The following USP32 variants were observed in gnomAD, a reference collection of about 807,000 sequenced individuals.
The protein encoded by USP32 is ubiquitin specific peptidase 32.
Under a neutral mutation model 204.8 loss-of-function variants are expected in USP32, and 59 were observed. The observed-to-expected ratio is 0.29, with a 90% CI of 0.23 to 0.36. The LOEUF (loss-of-function observed/expected upper bound fraction) is 0.36. Ranked by LOEUF, USP32 falls within the 10% of genes least tolerant of loss-of-function variation. The pLI is 1.00. For synonymous variants in USP32, 517 were observed against 678.4 expected (o/e 0.76, Z 3.70); for missense variants, 1,160 against 1,946.4 (o/e 0.60, Z 7.60).
intron 2 of USP32, among the ~76,000 whole-genome samples, chr17:60,342,920 G>A (rs778769898): frequency 1.3e-5 from 2 of 152,124 alleles, no homozygotes; most frequent in African/African-American, 2.4e-5. Context: ...CTCGCCCTCC[G>A]TGGGCTGCAC....
chr17:60,214,625 T>C lies in USP32; in HGVS notation c.2017A>G (p.Ser673Gly). Residue 673 changes from serine to glycine, a missense_variant, in exon 17 of 34, where the codon AGT becomes GGT. Ser to Gly is a moderately conservative substitution (Grantham distance 56). This residue lies in a region of USP32 where 132 missense variants were observed against 432.8 expected (regional missense o/e 0.30). Coordinates refer to ENST00000300896, the MANE Select transcript of USP32 (RefSeq NM_032582.4). ...EEDMRLWLYN[S>G]ENYLTLLDDE... Reference sequence around the variant, plus strand: ...GACTCTGAGATGCCTCTTACCTCACTGTTGTATAGCCACAGGCGCATATCT... The same window carrying C: ...GACTCTGAGATGCCTCTTACCTCACCGTTGTATAGCCACAGGCGCATATCT... 6.2e-7 allele frequency: 1 copy of C among 1,613,130 alleles called. No homozygotes were observed. The highest frequency in any genetic ancestry group is 1.1e-5 in the South Asian group (1 of 90,996).
chr17:60,317,330 A>G (rs2145931182), intron 2 of USP32, among the ~76,000 whole-genome samples: 1 of 152,114 alleles, frequency 6.6e-6, no homozygotes, highest in East Asian at 1.9e-4. Flanking sequence ...CCTGGGCAAC[A>G]TAGTGAGACC....
intron 1 of USP32, among the ~76,000 whole-genome samples, chr17:60,359,132 T>C (rs895077688): frequency 1.3e-5 from 2 of 152,176 alleles, no homozygotes; most frequent in Admixed American, 1.3e-4. Context: ...TGTCCCTCCT[T>C]TATTTTTTGG....
chr17:60,293,013 A>C (rs367858401), intron 4 of USP32, among the ~76,000 whole-genome samples: 1 of 152,172 alleles, frequency 6.6e-6, no homozygotes, highest in African/African-American at 2.4e-5. Flanking sequence ...CTTGATGAAA[A>C]GTGGTCCTCC....
intron 26 of USP32, among the ~76,000 whole-genome samples, chr17:60,204,956 CT>C (rs34428660): frequency 0.07 from 9,430 of 135,020 alleles, 859 homozygotes; most frequent in African/African-American, 0.22. Flanking sequence ...AAAAAGAAGT[CT>C]TTTTTTTTTT....
chr17:60,242,353 C>A (rs913300846), intron 11 of USP32, among the ~76,000 whole-genome samples: 1 of 152,064 alleles, frequency 6.6e-6, no homozygotes, highest in Non-Finnish European at 1.5e-5. Context: ...ATTTTCTTGA[C>A]ATCTTTAAAA....
At chr17:60,355,974 C>G (rs973331906) in intron 1 of USP32, among the ~76,000 whole-genome samples, 4 of 146,988 alleles carry the variant, frequency 2.7e-5, no homozygotes, top group Admixed American at 1.4e-4. Flanking sequence ...TATGCAATAG[C>G]TTTGAAAACC....
Position 60,181,287 on chromosome 17 carries a change from A to C in USP32, c.4548+37T>G, listed in dbSNP as rs745717932. The C allele has an allele frequency of 3.2e-6, 5 of 1,576,516 alleles. No homozygotes were observed. In the African/African-American group the frequency reaches 5.4e-5, roughly 17 times the overall value. ...ACATGAAGACAAGTGAACAAAACAC[A>C]GACCACTCTCTGAAAACCATATAAT... On this transcript the variant is annotated intron_variant, in intron 32 of 33. Coordinates refer to ENST00000300896, the MANE Select transcript of USP32 (RefSeq NM_032582.4).
At chr17:60,285,072 CA>C (rs563334689) in intron 5 of USP32, among the ~76,000 whole-genome samples, 157 of 152,230 alleles carry the variant, frequency 1.0e-3, no homozygotes, top group Non-Finnish European at 1.5e-3. Context: ...TAACAAATAT[CA>C]GAATAATTTT....
chr17:60,309,911 G>A (rs1215283573), intron 2 of USP32, among the ~76,000 whole-genome samples: 1 of 152,128 alleles, frequency 6.6e-6, no homozygotes, highest in Non-Finnish European at 1.5e-5. Flanking sequence ...GGGCATGGTG[G>A]CATGTGCCTG....
chr17:60,233,033 C>G (rs772163692), intron 12 of USP32, among the ~76,000 whole-genome samples: 3 of 152,108 alleles, frequency 2.0e-5, no homozygotes, highest in Non-Finnish European at 2.9e-5. Flanking sequence ...TATGTGAAAA[C>G]TGAGGTAGAG....
At chr17:60,363,325 T>A (rs1227207126) in intron 1 of USP32, among the ~76,000 whole-genome samples, 1 of 151,076 alleles carries the variant, frequency 6.6e-6, no homozygotes, top group Admixed American at 6.6e-5. Flanking sequence ...CGTAGCGGCG[T>A]GCACCTGTAG....
chr17:60,216,008 T>C (rs1331052379), intron 16 of USP32, among the ~76,000 whole-genome samples: 2 of 152,220 alleles, frequency 1.3e-5, no homozygotes, highest in Non-Finnish European at 2.9e-5. Context: ...AGCTACCACA[T>C]TTGGTCAAAA....
At position 60,214,867 on chromosome 17, in the gene USP32, T is replaced by C. The variant is rs1365529447; in HGVS notation, c.1868-93A>G. ...GGGACCATACTATTTTAGGAAATAA[T>C]AATGAGAAATGAGAATTACAGGTGT... On this transcript the variant is annotated intron_variant, in intron 16 of 33. Coordinates refer to ENST00000300896, the MANE Select transcript of USP32 (RefSeq NM_032582.4). 2.0e-6 allele frequency: 3 copies of C among 1,513,104 alleles called. No individual in the cohort carries two copies. In the African/African-American group the frequency reaches 4.3e-5, roughly 22 times the overall value. 93.7% of individuals were successfully genotyped at this position (1,513,104 alleles called of 1,614,324 possible).
chr17:60,237,306 T>A (rs909964288), intron 11 of USP32, among the ~76,000 whole-genome samples: 1 of 98,754 alleles, frequency 1.0e-5, no homozygotes, highest in African/African-American at 1.4e-4. Flanking sequence ...CCCAGCTAAT[T>A]TTTTTTTTTT....
intron 9 of USP32, among the ~76,000 whole-genome samples, chr17:60,263,620 T>C (rs960771590): frequency 4.6e-5 from 7 of 152,228 alleles, no homozygotes; most frequent in Non-Finnish European, 7.3e-5. Context: ...TACATACTTA[T>C]GAAACACTTA....
At chr17:60,188,256 A>G (rs895696193) in intron 29 of USP32, among the ~76,000 whole-genome samples, 5 of 152,198 alleles carry the variant, frequency 3.3e-5, no homozygotes, top group Non-Finnish European at 5.9e-5. Context: ...AATGTAAAGG[A>G]TAAGAGTGAT....
intron 29 of USP32, chr17:60,185,857 T>A (rs2084237383): frequency 2.0e-6 from 1 of 507,002 alleles, no homozygotes; most frequent in Non-Finnish European, 3.4e-6. Context: ...AGTCCAGGAG[T>A]TCGAAACCAG....
intron 1 of USP32, among the ~76,000 whole-genome samples, chr17:60,356,356 T>C (rs2089076927): frequency 6.6e-6 from 1 of 152,170 alleles, no homozygotes. Flanking sequence ...GCCACCTGCA[T>C]ATGGAGAGCT....
Sources: gnomAD v4.1 joint callset for allele counts (sites outside exome capture counted in the v4.1 genomes callset) on GRCh38, gnomAD v4.1.1 for gene constraint, gnomAD v4.1.1 regional missense constraint, MANE v1.5 for transcripts, NCBI Gene and HGNC (gene_info 2026-07-23, HGNC 2026-07-21) for gene names.